Variants in RAB3GAP1 observed in about 807,000 individuals in gnomAD.
The protein encoded by RAB3GAP1 is RAB3 GTPase activating protein catalytic subunit 1.
A neutral mutation model predicts 130.7 loss-of-function variants in RAB3GAP1; 86 were observed. The observed-to-expected ratio is 0.66, with a 90% CI of 0.55 to 0.79. The LOEUF is 0.79. Among genes scored for constraint, RAB3GAP1 ranks in the 30% least tolerant of loss-of-function variants. RAB3GAP1 has a pLI of 0.00. For synonymous variants in RAB3GAP1, 367 were observed against 401.7 expected (o/e 0.91, Z 1.03); for missense variants, 1,029 against 1,169.4 (o/e 0.88, Z 1.75).
Position 135,136,636 on chromosome 2 carries a change from T to A in RAB3GAP1, c.1923+704T>A, listed in dbSNP as rs182206264. On this transcript the variant is annotated intron_variant, in intron 17 of 23. Coordinates refer to ENST00000264158, the MANE Select transcript of RAB3GAP1 (RefSeq NM_012233.3). ...AAAAAAGAAAATCCAACTGCACTTA[T>A]GTATGTTTTTGTTTAACTTGTGGAC... 4,309 of 995,834 alleles carry A rather than the reference T, an allele frequency of 4.3e-3. 21 individuals are homozygous for A. Among genetic ancestry groups the A allele is most frequent in the Middle Eastern group, 0.012 (28 of 2,422 alleles). The allele number at this position is 995,834 out of a possible 1,614,324, so 61.7% of individuals were successfully genotyped here.
intron 7 of RAB3GAP1, among the ~76,000 whole-genome samples, chr2:135,119,494 G>A (rs1156838981): frequency 6.6e-6 from 1 of 152,106 alleles, no homozygotes; most frequent in Non-Finnish European, 1.5e-5. Flanking sequence ...GCCTTGTTAT[G>A]GCTTCTAGAA....
intron 18 of RAB3GAP1, among the ~76,000 whole-genome samples, chr2:135,152,213 A>G (rs1692196693): frequency 1.3e-5 from 2 of 152,228 alleles, no homozygotes; most frequent in South Asian, 2.1e-4. Flanking sequence ...GAAGCATACT[A>G]ATATGTGCCT....
chr2:135,159,080 C>T (rs914632222), intron 19 of RAB3GAP1, among the ~76,000 whole-genome samples: 2 of 152,186 alleles, frequency 1.3e-5, no homozygotes, highest in African/African-American at 2.4e-5. Context: ...TGGATTGTAA[C>T]TCAGAGTACA....
chr2:135,082,141 C>CAATGAATGAATGAATGAATGAATG lies in RAB3GAP1; in HGVS notation c.151-8834_151-8833insGAATGAATGAATGAATGAATGAAT, dbSNP rs112935823. Among the ~76,000 whole-genome samples, 47 of 148,750 alleles carry CAATGAATGAATGAATGAATGAATG rather than the reference C, an allele frequency of 3.2e-4. 1 individual carries two copies. The highest frequency in any genetic ancestry group is 1.2e-3 in the African/African-American group (46 of 39,686). ...TGGGTGACAGAGCAAGACTCTGTCT[C>CAATGAATGAATGAATGAATGAATG]AATGAATGAATGAATGAATGAATAA... On this transcript the variant is annotated intron_variant, in intron 3 of 23. Coordinates refer to ENST00000264158, the MANE Select transcript of RAB3GAP1 (RefSeq NM_012233.3).
chr2:135,056,029 G>A (rs1011624985), intron 2 of RAB3GAP1, among the ~76,000 whole-genome samples: 1 of 150,258 alleles, frequency 6.7e-6, no homozygotes, highest in African/African-American at 2.4e-5. Context: ...GTAGTGGCGG[G>A]GTTTCACTGT....
chr2:135,055,516 A>G (rs1688983798), intron 2 of RAB3GAP1, among the ~76,000 whole-genome samples: 1 of 152,006 alleles, frequency 6.6e-6, no homozygotes, highest in African/African-American at 2.4e-5. Context: ...TGTCTCTACT[A>G]AAAATACAAA....
intron 3 of RAB3GAP1, among the ~76,000 whole-genome samples, chr2:135,088,491 C>G (rs887290584): frequency 9.2e-5 from 14 of 151,706 alleles, no homozygotes. Flanking sequence ...GAGTTCAAGA[C>G]CAGCCTGGCC....
intron 3 of RAB3GAP1, among the ~76,000 whole-genome samples, chr2:135,074,243 C>G (rs975595983): frequency 6.6e-6 from 1 of 152,132 alleles, no homozygotes; most frequent in African/African-American, 2.4e-5. Flanking sequence ...GGTCTGACTT[C>G]CCCAAAATGT....
chr2:135,099,158 T>C (rs1344635325), intron 5 of RAB3GAP1, among the ~76,000 whole-genome samples: 1 of 152,170 alleles, frequency 6.6e-6, no homozygotes, highest in Non-Finnish European at 1.5e-5. Context: ...AGTGTGATGT[T>C]AGCTGTAGGT....
chr2:135,069,736 T>C (rs1412636039), intron 3 of RAB3GAP1, among the ~76,000 whole-genome samples: 3 of 152,196 alleles, frequency 2.0e-5, no homozygotes, highest in Non-Finnish European at 4.4e-5. Context: ...GAGCCTACTG[T>C]GCAGTAGGAA....
chr2:135,077,993 G>A (rs1689678546), intron 3 of RAB3GAP1, among the ~76,000 whole-genome samples: 1 of 152,074 alleles, frequency 6.6e-6, no homozygotes, highest in South Asian at 2.1e-4. Context: ...CCATTCATGG[G>A]TTGCCTTTTC....
chr2:135,090,119 A>G (rs183399630), intron 3 of RAB3GAP1, among the ~76,000 whole-genome samples: 24 of 152,320 alleles, frequency 1.6e-4, no homozygotes, highest in African/African-American at 4.8e-4. Context: ...TGTATCATAC[A>G]TGACAGTTCA....
chr2:135,081,414 ATG>A (rs1237508935), intron 3 of RAB3GAP1, among the ~76,000 whole-genome samples: 88 of 137,928 alleles, frequency 6.4e-4, no homozygotes, highest in Non-Finnish European at 1.0e-3. Flanking sequence ...GTGTATATAT[ATG>A]TGTGTGTGTG....
intron 17 of RAB3GAP1, among the ~76,000 whole-genome samples, chr2:135,149,650 T>C (rs1401669972): frequency 1.3e-5 from 2 of 152,154 alleles, no homozygotes; most frequent in Non-Finnish European, 2.9e-5. Flanking sequence ...GAGATGATCA[T>C]TGTTAGAGCA....
At chr2:135,054,672 G>T (rs552479092) in intron 2 of RAB3GAP1, among the ~76,000 whole-genome samples, 117 of 152,296 alleles carry the variant, frequency 7.7e-4, no homozygotes, top group East Asian at 1.7e-3. Flanking sequence ...GGAGGGTGGG[G>T]TAGGGAAACA....
intron 3 of RAB3GAP1, among the ~76,000 whole-genome samples, chr2:135,070,579 C>T (rs1295511957): frequency 1.3e-5 from 2 of 152,112 alleles, no homozygotes; most frequent in Non-Finnish European, 2.9e-5. Flanking sequence ...GCAATCTCGG[C>T]TCACTGCAAC....
At chr2:135,124,297 T>G (rs757462207) in intron 9 of RAB3GAP1, 51 bp downstream of exon 9, 3 of 1,500,422 alleles carry the variant, frequency 2.0e-6, no homozygotes, top group Non-Finnish European at 2.8e-6. Context: ...TACTTTGAAT[T>G]TATATTGATA....
intron 5 of RAB3GAP1, among the ~76,000 whole-genome samples, chr2:135,105,843 C>T (rs1354900893): frequency 1.8e-4 from 27 of 151,416 alleles, no homozygotes; most frequent in South Asian, 1.3e-3. Context: ...TCTGCCCCGC[C>T]GCCCCGTCTG....
chr2:135,062,736 T>C (rs566139030), intron 3 of RAB3GAP1, among the ~76,000 whole-genome samples: 6 of 152,364 alleles, frequency 3.9e-5, no homozygotes, highest in African/African-American at 1.4e-4. Flanking sequence ...GTAGAGGTCT[T>C]GTATATCCTT....
Sources: allele counts gnomAD v4.1 joint callset (sites outside exome capture counted in the v4.1 genomes callset), GRCh38; gene constraint gnomAD v4.1.1; transcripts MANE v1.5; gene names NCBI Gene and HGNC (gene_info 2026-07-23, HGNC 2026-07-21).